Variants in PARP16 observed in about 807,000 individuals in gnomAD.
The protein encoded by PARP16 is poly(ADP-ribose) polymerase family member 16.
PARP16 carries 31 observed loss-of-function variants against 35.0 expected under a neutral mutation model. The ratio of observed to expected loss-of-function variants is 0.88; its 90% confidence interval spans 0.66 to 1.19. PARP16 has a LOEUF of 1.19. Ranked by LOEUF, PARP16 falls within the 50% of genes most tolerant of loss-of-function variation. The pLI is 0.00. For synonymous variants in PARP16, 162 were observed against 169.5 expected (o/e 0.96, Z 0.34); for missense variants, 424 against 411.2 (o/e 1.03, Z -0.27).
intron 3 of PARP16, among the ~76,000 whole-genome samples, chr15:65,239,469 A>G (rs1409237197): frequency 4.1e-5 from 6 of 145,860 alleles, no homozygotes; most frequent in African/African-American, 1.0e-4. Context: ...AAAAGAAAAA[A>G]AAAAGAAAAG....
At chr15:65,274,521 C>A (rs2090191061) in intron 1 of PARP16, among the ~76,000 whole-genome samples, 1 of 151,280 alleles carries the variant, frequency 6.6e-6, no homozygotes, top group Non-Finnish European at 1.5e-5. Flanking sequence ...ATGCAGTGAG[C>A]CATGATTGTT....
downstream of PARP16, among the ~76,000 whole-genome samples, chr15:65,256,040 C>A (rs754798303): frequency 6.6e-6 from 1 of 152,184 alleles, no homozygotes; most frequent in South Asian, 2.1e-4. Context: ...TCCAGTAAAT[C>A]CAACAGACAC....
chr15:65,233,759 A>T (rs1262303390), downstream of PARP16, among the ~76,000 whole-genome samples: 4 of 151,644 alleles, frequency 2.6e-5, no homozygotes, highest in Admixed American at 2.6e-4. Flanking sequence ...AAAAAAAAAA[A>T]TTTAAATTGC....
chr15:65,274,283 G>A (rs368032528), intron 1 of PARP16, among the ~76,000 whole-genome samples: 12 of 149,172 alleles, frequency 8.0e-5, no homozygotes, highest in East Asian at 5.9e-4. Context: ...GTGTGAGCCC[G>A]GGCATGGTGA....
At chr15:65,236,534 G>C (rs2088882523) in intron 3 of PARP16, among the ~76,000 whole-genome samples, 1 of 152,242 alleles carries the variant, frequency 6.6e-6, no homozygotes, top group African/African-American at 2.4e-5. Context: ...CCTAGAGTAG[G>C]AGAAACAGCA....
At position 65,263,269 on chromosome 15, in the gene PARP16, G is replaced by A; in HGVS notation, c.571C>T (p.Leu191Phe). The A allele has an allele frequency of 2.5e-6, 4 of 1,612,890 alleles. No individual in the cohort carries two copies. The highest frequency in any genetic ancestry group is 3.4e-6 in the Non-Finnish European group (4 of 1,179,378). ...CCATGGCCATGGGGGCTGTATATGAGGGCCAGGCTCAAGTCACTGGTGAGG... is the reference window on the plus strand; with the variant it reads ...CCATGGCCATGGGGGCTGTATATGAAGGCCAGGCTCAAGTCACTGGTGAGG... ...TYLTSDLSLA[L>F]IYSPHGHGWQ... The change falls in exon 4 of 6, where the codon CTC becomes TTC. Residue 191 changes from leucine (L) to phenylalanine (F), a missense_variant. By Grantham distance (22) the Leu-to-Phe change is conservative. Coordinates refer to ENST00000649807, the MANE Select transcript of PARP16 (RefSeq NM_001316943.2).
chr15:65,240,323 A>AGTGTGTGTGTGTGTGTGTGTGT (rs34811236), intron 3 of PARP16, among the ~76,000 whole-genome samples: 108 of 126,104 alleles, frequency 8.6e-4, no homozygotes, highest in African/African-American at 2.9e-3. Context: ...GGGGGGGGCT[A>AGTGTGTGTGTGTGTGTGTGTGT]GTGTGTGTGT....
At chr15:65,255,600 C>G (rs1026461366), downstream of PARP16, among the ~76,000 whole-genome samples, 2 of 151,910 alleles carry the variant, frequency 1.3e-5, no homozygotes, top group African/African-American at 4.8e-5. Flanking sequence ...TGTCCCTCCA[C>G]TAACCCTGGA....
intron 3 of PARP16, 56 bp downstream of exon 3, chr15:65,266,506 C>A: frequency 2.1e-6 from 3 of 1,456,414 alleles, no homozygotes; most frequent in Non-Finnish European, 2.9e-6. Flanking sequence ...CCCCTCCCCA[C>A]TCTCCCACCT....
chr15:65,251,925 C>T (rs548166534), intron 2 of PARP16, among the ~76,000 whole-genome samples: 92 of 152,144 alleles, frequency 6.0e-4, no homozygotes, highest in African/African-American at 2.1e-3. Context: ...CCACCCCGCC[C>T]GGCTAATTTT....
chr15:65,276,607 T>C (rs917885017), intron 1 of PARP16, among the ~76,000 whole-genome samples: 1 of 151,870 alleles, frequency 6.6e-6, no homozygotes, highest in African/African-American at 2.4e-5. Context: ...GCTCATGCAA[T>C]CCACCAGCCT....
intron 3 of PARP16, among the ~76,000 whole-genome samples, chr15:65,238,600 A>C (rs942917000): frequency 5.9e-5 from 9 of 152,238 alleles, no homozygotes; most frequent in Admixed American, 5.9e-4. Context: ...CTGCAGCCGC[A>C]GCATCTCTCA....
At chr15:65,233,184 TG>T (rs780795258), downstream of PARP16, among the ~76,000 whole-genome samples, 22 of 150,504 alleles carry the variant, frequency 1.5e-4, no homozygotes, top group Admixed American at 2.6e-4. Flanking sequence ...GAGGCCGAGG[TG>T]GGCGGATCAC....
intron 3 of PARP16, chr15:65,248,026 G>A (rs1006531270): frequency 5.4e-6 from 2 of 373,642 alleles, no homozygotes; most frequent in East Asian, 7.4e-5. Flanking sequence ...GGATGGTCTC[G>A]ATCTCCTGAC....
intron 5 of PARP16, 59 bp from the exon 6 acceptor site, chr15:65,259,601 T>G (rs2089633755): frequency 1.3e-6 from 2 of 1,514,112 alleles, no homozygotes; most frequent in Non-Finnish European, 1.8e-6. Flanking sequence ...TTTTTTTAAG[T>G]GTGTACAACA....
Position 65,286,567 on chromosome 15 carries a change from C to G in PARP16, c.-141G>C. 2 of 577,920 alleles carry G rather than the reference C, an allele frequency of 3.5e-6. No homozygotes were observed. Among genetic ancestry groups the G allele is most frequent in the Non-Finnish European group, 5.8e-6 (2 of 347,648 alleles). The allele number at this position is 577,920 out of a possible 1,614,324, so 35.8% of individuals were successfully genotyped here. On this transcript the variant is annotated 5_prime_UTR_variant, in exon 1 of 6. Coordinates refer to ENST00000649807, the MANE Select transcript of PARP16 (RefSeq NM_001316943.2). ...GCCTGGGGTGGAGCTAGGCAGGGGG[C>G]TGAGATGACAGGGGTGAGAACGTGC...
chr15:65,249,471 A>G (rs1385695263), intron 2 of PARP16, among the ~76,000 whole-genome samples: 3 of 152,168 alleles, frequency 2.0e-5, no homozygotes, highest in Non-Finnish European at 4.4e-5. Context: ...CTCAGGAGAA[A>G]TGTCTCGTTC....
downstream of PARP16, among the ~76,000 whole-genome samples, chr15:65,254,873 T>C (rs1199510512): frequency 6.6e-6 from 1 of 152,192 alleles, no homozygotes; most frequent in Non-Finnish European, 1.5e-5. Flanking sequence ...ACTTCCCCTA[T>C]TCTACCTCTC....
intron 2 of PARP16, among the ~76,000 whole-genome samples, chr15:65,268,762 C>CT (rs1034661430): frequency 6.8e-4 from 102 of 148,936 alleles, no homozygotes; most frequent in South Asian, 2.1e-3. Flanking sequence ...GTGGTTTTTT[C>CT]TTTTTTTTTT....
Sources: gnomAD v4.1 joint callset for allele counts (sites outside exome capture counted in the v4.1 genomes callset) on GRCh38, gnomAD v4.1.1 for gene constraint, MANE v1.5 for transcripts, NCBI Gene and HGNC (gene_info 2026-07-23, HGNC 2026-07-21) for gene names.